The following LRRC37A2 variants were observed in gnomAD, a reference collection of about 807,000 sequenced individuals.
The protein encoded by LRRC37A2 is leucine-rich repeat-containing protein 37A2.
Under a neutral mutation model 68.8 loss-of-function variants are expected in LRRC37A2, and 9 were observed. That is an observed-to-expected ratio of 0.13 (90% CI 0.08 to 0.23). The LOEUF (loss-of-function observed/expected upper bound fraction) is 0.23, where lower values mean the gene tolerates loss of function less well. LRRC37A2 is among the 10% of genes least tolerant of loss of function. The pLI, the probability that LRRC37A2 is intolerant of heterozygous loss-of-function variation, is 1.00. For synonymous variants in LRRC37A2, 63 were observed against 367.6 expected (o/e 0.17, Z 9.48); for missense variants, 168 against 950.4 (o/e 0.18, Z 10.82).
chr17:46,602,642 T>C, the LRRC37A2 span: 1 of 119,262 alleles, frequency 8.4e-6, no homozygotes, highest in Non-Finnish European at 1.7e-5. Context: ...TTTAGTGTTA[T>C]GTGCTGACAA....
At chr17:46,721,695 A>G in the LRRC37A2 span, 69 of 1,607,008 alleles carry the variant, frequency 4.3e-5, no homozygotes, top group Middle Eastern at 6.6e-4. Flanking sequence ...GCTTTGTCCA[A>G]ATGAACCTTT....
chr17:46,817,885 G>C, the LRRC37A2 span, among the ~76,000 whole-genome samples: 1 of 152,074 alleles, frequency 6.6e-6, no homozygotes, highest in Non-Finnish European at 1.5e-5. Context: ...AATAAAATCC[G>C]AATTCAATGG....
At chr17:46,939,925 A>G in the LRRC37A2 span, 20 of 1,000,020 alleles carry the variant, frequency 2.0e-5, no homozygotes, top group Non-Finnish European at 2.4e-5. Flanking sequence ...GTTCTCATTT[A>G]CCACAGGCCT....
At chr17:46,978,409 G>A in the LRRC37A2 span, 1 of 509,028 alleles carries the variant, frequency 2.0e-6, no homozygotes, top group Non-Finnish European at 3.4e-6. Context: ...AAACTGGTAA[G>A]AACCCTCACC....
the LRRC37A2 span, among the ~76,000 whole-genome samples, chr17:46,891,918 CTTTTT>C: frequency 3.2e-4 from 23 of 71,814 alleles, no homozygotes; most frequent in African/African-American, 1.1e-3. Context: ...CTTTTCTTTT[CTTTTT>C]TTTTTTTTTT....
At chr17:46,861,358 A>C in the LRRC37A2 span, among the ~76,000 whole-genome samples, 1 of 151,946 alleles carries the variant, frequency 6.6e-6, no homozygotes, top group African/African-American at 2.4e-5. Context: ...CCTGGTCTGC[A>C]GTGAATATCT....
the LRRC37A2 span, among the ~76,000 whole-genome samples, chr17:46,721,059 C>A: frequency 1.1e-4 from 17 of 152,292 alleles, no homozygotes; most frequent in African/African-American, 3.8e-4. Flanking sequence ...CTTGCCGTGT[C>A]CTTGAGCACC....
the LRRC37A2 span, among the ~76,000 whole-genome samples, chr17:46,829,500 C>G: frequency 1.3e-5 from 2 of 152,166 alleles, no homozygotes; most frequent in Non-Finnish European, 2.9e-5. Context: ...AAGCAGCAGC[C>G]CAGCCACCTG....
the LRRC37A2 span, among the ~76,000 whole-genome samples, chr17:46,959,708 A>AT: frequency 2.0e-5 from 3 of 152,040 alleles, no homozygotes; most frequent in African/African-American, 2.4e-5. Context: ...TTTCTTGAGC[A>AT]TTTTTTTCCT....
chr17:46,915,543 T>A, the LRRC37A2 span, among the ~76,000 whole-genome samples: 2 of 152,192 alleles, frequency 1.3e-5, no homozygotes, highest in African/African-American at 4.8e-5. Context: ...GAATATGAGA[T>A]CATCTCTATT....
At chr17:46,739,727 T>G in the LRRC37A2 span, among the ~76,000 whole-genome samples, 1 of 144,700 alleles carries the variant, frequency 6.9e-6, no homozygotes, top group Non-Finnish European at 1.5e-5. Context: ...AGTTCTTTTT[T>G]TCTGATTTTT....
chr17:46,909,299 G>A, the LRRC37A2 span, among the ~76,000 whole-genome samples: 106 of 152,290 alleles, frequency 7.0e-4, 3 homozygotes, highest in South Asian at 0.021. Flanking sequence ...CCAAAGTGCC[G>A]GGATTGCAGG....
the LRRC37A2 span, among the ~76,000 whole-genome samples, chr17:46,405,934 A>G: frequency 6.7e-6 from 1 of 148,384 alleles, no homozygotes; most frequent in Non-Finnish European, 1.5e-5. Context: ...TTTTTTTTAA[A>G]TATAGTCTGT....
the LRRC37A2 span, among the ~76,000 whole-genome samples, chr17:46,888,978 A>T: frequency 6.6e-6 from 1 of 151,712 alleles, no homozygotes; most frequent in East Asian, 1.9e-4. Flanking sequence ...TCAAGCTTTG[A>T]CTCCAGGTGC....
At chr17:46,876,749 G>A in the LRRC37A2 span, 633 of 1,511,642 alleles carry the variant, frequency 4.2e-4, 5 homozygotes, top group African/African-American at 8.0e-3. Context: ...GTCTGGCACT[G>A]CCAGGACCTC....
At chr17:46,710,405 A>G in the LRRC37A2 span, among the ~76,000 whole-genome samples, 1 of 152,202 alleles carries the variant, frequency 6.6e-6, no homozygotes, top group African/African-American at 2.4e-5. Context: ...CCTTCTTATT[A>G]CAGCTCCTCA....
the LRRC37A2 span, among the ~76,000 whole-genome samples, chr17:46,960,420 C>G: frequency 1.5e-4 from 23 of 152,198 alleles, no homozygotes; most frequent in Non-Finnish European, 4.4e-5. Flanking sequence ...CAAAATGGAA[C>G]AGCCACTATG....
the LRRC37A2 span, among the ~76,000 whole-genome samples, chr17:46,831,714 AGAG>A: frequency 6.6e-6 from 1 of 152,334 alleles, no homozygotes; most frequent in East Asian, 1.9e-4. Context: ...GAAGAGCCAC[AGAG>A]GAGGGGACTG....
At chr17:46,998,936 G>A in the LRRC37A2 span, 20 of 152,340 alleles carry the variant, frequency 1.3e-4, no homozygotes, top group Non-Finnish European at 2.2e-4. Flanking sequence ...ATCATCCTTA[G>A]CACAGAAACT....
Sources: gnomAD v4.1 joint callset for allele counts (sites outside exome capture counted in the v4.1 genomes callset) on GRCh38, gnomAD v4.1.1 for gene constraint, MANE v1.5 for transcripts, NCBI Gene and HGNC (gene_info 2026-07-23, HGNC 2026-07-21) for gene names.